Variants in CHST11 observed in about 807,000 individuals in gnomAD.
CHST11 encodes C4S-1.
A neutral mutation model predicts 30.4 loss-of-function variants in CHST11; 9 were observed. The observed-to-expected ratio is 0.30, with a 90% confidence interval of 0.18 to 0.52. CHST11 has a LOEUF of 0.52. Among genes scored for constraint, CHST11 ranks in the 20% least tolerant of loss-of-function variants. The probability of loss-of-function intolerance (pLI) is 0.97; values close to 1 mark genes in which losing one functional copy is unlikely to be tolerated. For synonymous variants in CHST11, 152 were observed against 187.8 expected (o/e 0.81, Z 1.56); for missense variants, 348 against 460.6 (o/e 0.76, Z 2.24).
At chr12:104,632,162 T>C (rs1250309221) in intron 2 of CHST11, among the ~76,000 whole-genome samples, 1 of 152,000 alleles carries the variant, frequency 6.6e-6, no homozygotes, top group Non-Finnish European at 1.5e-5. Flanking sequence ...CGAGACCTCC[T>C]GGATTCCAGG....
intron 2 of CHST11, among the ~76,000 whole-genome samples, chr12:104,677,739 G>T (rs1411184038): frequency 6.6e-6 from 1 of 152,220 alleles, no homozygotes; most frequent in Non-Finnish European, 1.5e-5. Flanking sequence ...TCCTCCTTGG[G>T]TACCATGTTG....
intron 2 of CHST11, among the ~76,000 whole-genome samples, chr12:104,605,455 T>C (rs1259523316): frequency 3.9e-5 from 6 of 152,140 alleles, no homozygotes; most frequent in African/African-American, 1.4e-4. Flanking sequence ...GGCGGGCGCC[T>C]ACAGTCCCAG....
At chr12:104,565,409 G>A (rs2038554449) in intron 1 of CHST11, among the ~76,000 whole-genome samples, 1 of 151,880 alleles carries the variant, frequency 6.6e-6, no homozygotes, top group African/African-American at 2.4e-5. Context: ...TGGGACTACA[G>A]GTACGTGCCA....
chr12:104,698,064 C>T lies in CHST11; in HGVS notation c.205-58885C>T, dbSNP rs552866447. Reference sequence around the variant, plus strand: ...CTTACTGGTCTCCTGGCGTCAATGTCCCCTAGTTGAATGCATCAGCATGTT... The same window carrying T: ...CTTACTGGTCTCCTGGCGTCAATGTTCCCTAGTTGAATGCATCAGCATGTT... On this transcript the variant is annotated intron_variant, in intron 2 of 2. Coordinates refer to ENST00000303694, the MANE Select transcript of CHST11 (RefSeq NM_018413.6). 7.2e-5 allele frequency among the ~76,000 whole-genome samples: 11 copies of T among 152,312 alleles called. 1 individual carries two copies. In the South Asian group the frequency reaches 1.2e-3, roughly 17 times the overall value.
chr12:104,579,422 T>C (rs1704880), intron 1 of CHST11, among the ~76,000 whole-genome samples: 151,963 of 152,292 alleles, frequency 1, 75,817 homozygotes, highest in Middle Eastern at 1. Context: ...CGATTGATCT[T>C]GTGACCTTGG....
chr12:104,597,036 C>A (rs2038912530), intron 1 of CHST11, among the ~76,000 whole-genome samples: 1 of 152,152 alleles, frequency 6.6e-6, no homozygotes, highest in Admixed American at 6.5e-5. Context: ...CCCTGCATTC[C>A]AGCAGCACTG....
chr12:104,660,487 A>G (rs908281581), intron 2 of CHST11, among the ~76,000 whole-genome samples: 3 of 152,148 alleles, frequency 2.0e-5, no homozygotes, highest in Non-Finnish European at 4.4e-5. Context: ...CATTAGAGAA[A>G]CCAACTTTGT....
chr12:104,605,205 T>G (rs2136049403), intron 2 of CHST11, among the ~76,000 whole-genome samples: 1 of 151,002 alleles, frequency 6.6e-6, no homozygotes, highest in East Asian at 1.9e-4. Flanking sequence ...GACAAAGGGT[T>G]GGGAAAATTG....
intron 2 of CHST11, among the ~76,000 whole-genome samples, chr12:104,687,044 C>A (rs1247247080): frequency 6.6e-6 from 1 of 152,206 alleles, no homozygotes; most frequent in Non-Finnish European, 1.5e-5. Flanking sequence ...TTGTGCAGGT[C>A]CCAACTGCCA....
At chr12:104,528,897 A>AG (rs2038154090) in intron 1 of CHST11, among the ~76,000 whole-genome samples, 3 of 152,164 alleles carry the variant, frequency 2.0e-5, no homozygotes, top group Admixed American at 2.0e-4. Flanking sequence ...GAATCCACTG[A>AG]GGGCAACCTT....
chr12:104,624,482 T>C (rs2039191836), intron 2 of CHST11, among the ~76,000 whole-genome samples: 1 of 152,000 alleles, frequency 6.6e-6, no homozygotes, highest in South Asian at 2.1e-4. Flanking sequence ...GGGATATGTT[T>C]GTTGAATGAA....
At chr12:104,521,303 G>C (rs1196956613) in intron 1 of CHST11, among the ~76,000 whole-genome samples, 1 of 152,142 alleles carries the variant, frequency 6.6e-6, no homozygotes, top group Non-Finnish European at 1.5e-5. Flanking sequence ...CAACAGGTGA[G>C]CCTGGGTGAA....
At chr12:104,755,854 C>A (rs1470333732) in intron 2 of CHST11, among the ~76,000 whole-genome samples, 1 of 152,082 alleles carries the variant, frequency 6.6e-6, no homozygotes, top group Non-Finnish European at 1.5e-5. Flanking sequence ...CCCAGATGGG[C>A]CCAGCCTAAG....
intron 1 of CHST11, among the ~76,000 whole-genome samples, chr12:104,498,252 C>T (rs976012563): frequency 6.6e-6 from 1 of 152,120 alleles, no homozygotes; most frequent in African/African-American, 2.4e-5. Context: ...TTCTGTCCTA[C>T]AGCTCCAGGG....
chr12:104,750,142 T>C (rs2040417656), intron 2 of CHST11, among the ~76,000 whole-genome samples: 1 of 152,084 alleles, frequency 6.6e-6, no homozygotes. Context: ...AAGGAAAATA[T>C]ATACATGATG....
intron 1 of CHST11, among the ~76,000 whole-genome samples, chr12:104,583,338 A>G (rs1190938555): frequency 6.6e-6 from 1 of 151,962 alleles, no homozygotes; most frequent in African/African-American, 2.4e-5. Flanking sequence ...ATCCCATTCC[A>G]TATCTTTGGA....
intron 2 of CHST11, among the ~76,000 whole-genome samples, chr12:104,742,647 C>T (rs1055570861): frequency 1.3e-5 from 2 of 152,186 alleles, no homozygotes; most frequent in African/African-American, 4.8e-5. Flanking sequence ...CCCAGGCCTC[C>T]GGAAGCCCAA....
At chr12:104,700,614 T>C (rs2039984066) in intron 2 of CHST11, among the ~76,000 whole-genome samples, 1 of 152,194 alleles carries the variant, frequency 6.6e-6, no homozygotes, top group Non-Finnish European at 1.5e-5. Flanking sequence ...AGGTGACTAA[T>C]GTATGTAAAG....
At chr12:104,675,239 G>T (rs1397268937) in intron 2 of CHST11, among the ~76,000 whole-genome samples, 1 of 152,160 alleles carries the variant, frequency 6.6e-6, no homozygotes. Flanking sequence ...TAAAAAGAGA[G>T]GTTTACCGTT....
Sources: allele counts gnomAD v4.1 joint callset (sites outside exome capture counted in the v4.1 genomes callset), GRCh38; gene constraint gnomAD v4.1.1; transcripts MANE v1.5; gene names NCBI Gene and HGNC (gene_info 2026-07-23, HGNC 2026-07-21).